Variants in PPP4R2 observed in about 807,000 individuals in gnomAD.
PPP4R2 encodes the protein serine/threonine-protein phosphatase 4 regulatory subunit 2.
A neutral mutation model predicts 47.2 loss-of-function variants in PPP4R2; 13 were observed. That is an observed-to-expected ratio of 0.28 (90% confidence interval 0.18 to 0.44). The LOEUF (loss-of-function observed/expected upper bound fraction) is 0.44, where lower values mean the gene tolerates loss of function less well. Among genes scored for constraint, PPP4R2 ranks in the 20% least tolerant of loss-of-function variants. PPP4R2 has a pLI of 1.00. For synonymous variants in PPP4R2, 151 were observed against 163.3 expected, an observed-to-expected ratio of 0.92 and a Z score of 0.57; for missense variants, 421 against 491.2, an observed-to-expected ratio of 0.86 and a Z score of 1.35.
At chr3:73,019,349 T>TC (rs760247163) in intron 2 of PPP4R2, among the ~76,000 whole-genome samples, 9 of 152,192 alleles carry the variant, frequency 5.9e-5, no homozygotes, top group Non-Finnish European at 8.8e-5. Context: ...AACACTGTCT[T>TC]CATCTACAAA....
chr3:73,000,142 T>C (rs150329818), intron 2 of PPP4R2, among the ~76,000 whole-genome samples: 1 of 152,172 alleles, frequency 6.6e-6, no homozygotes. Context: ...CTCAGCACTT[T>C]GGGAAACAGT....
At chr3:73,057,826 G>A (rs1414187379) in intron 3 of PPP4R2, among the ~76,000 whole-genome samples, 1 of 152,096 alleles carries the variant, frequency 6.6e-6, no homozygotes. Context: ...TTGAGTCCTG[G>A]CATTTTAACT....
intron 2 of PPP4R2, among the ~76,000 whole-genome samples, chr3:73,039,757 A>AC (rs1702338990): frequency 6.6e-6 from 1 of 152,192 alleles, no homozygotes; most frequent in African/African-American, 2.4e-5. Flanking sequence ...ATCCAACTTG[A>AC]AAATGTCAGC....
intron 2 of PPP4R2, among the ~76,000 whole-genome samples, chr3:73,016,839 T>A (rs865836527): frequency 1.2e-4 from 14 of 120,738 alleles, no homozygotes; most frequent in African/African-American, 4.5e-4. Context: ...TTTTTTTAAA[T>A]ACAGAGTCTC....
chr3:73,028,154 A>C (rs1702102643), intron 2 of PPP4R2, among the ~76,000 whole-genome samples: 1 of 151,208 alleles, frequency 6.6e-6, no homozygotes, highest in African/African-American at 2.4e-5. Context: ...CTACTCAGGA[A>C]GCTGAGGCAG....
chr3:72,997,173 T>G, intron 1 of PPP4R2, 102 bp downstream of exon 1: 1 of 956,410 alleles, frequency 1.0e-6, no homozygotes. Context: ...GGGCGCGGCG[T>G]GGGGAGAGTG....
intron 3 of PPP4R2, among the ~76,000 whole-genome samples, chr3:73,051,655 C>G (rs1702615245): frequency 6.6e-6 from 1 of 152,170 alleles, no homozygotes; most frequent in Non-Finnish European, 1.5e-5. Flanking sequence ...GAGATGGAGT[C>G]TCGCTCTTTG....
chr3:72,999,948 GAC>G (rs1279764370), intron 2 of PPP4R2, among the ~76,000 whole-genome samples: 1 of 152,170 alleles, frequency 6.6e-6, no homozygotes, highest in Non-Finnish European at 1.5e-5. Flanking sequence ...CTTTGATACT[GAC>G]ATTTGCAGAG....
At chr3:73,050,241 A>G (rs1027161842) in intron 3 of PPP4R2, among the ~76,000 whole-genome samples, 8 of 152,142 alleles carry the variant, frequency 5.3e-5, no homozygotes, top group Non-Finnish European at 1.0e-4. Context: ...CTGGGATTAC[A>G]AGCTTGAGCC....
At chr3:73,036,029 A>G (rs181207106) in intron 2 of PPP4R2, among the ~76,000 whole-genome samples, 7 of 152,356 alleles carry the variant, frequency 4.6e-5, no homozygotes, top group East Asian at 1.9e-4. Context: ...ATATATACGC[A>G]CACACACAGT....
At chr3:73,000,949 G>A (rs186162089) in intron 2 of PPP4R2, among the ~76,000 whole-genome samples, 28 of 152,312 alleles carry the variant, frequency 1.8e-4, no homozygotes, top group East Asian at 1.2e-3. Context: ...TGACGGTCAA[G>A]TTGTCTCCCA....
In PPP4R2 at chr3:72,998,110, C is replaced by T; in HGVS notation, c.68C>T (p.Pro23Leu). ...AAGAGGGGGAAAAAGGAAGTTTGTC[C>T]TGTCCTGGATCAGTTTCTTTGTCAT... ...FEKRGKKEVC[P>L]VLDQFLCHVA... Residue 23 changes from proline to leucine, a missense_variant, in exon 2 of 9, where the codon CCT (proline) becomes CTT (leucine). Physicochemically the swap from Pro to Leu is moderately conservative, Grantham distance 98 (BLOSUM62 -3). Transcript: ENST00000356692. The T allele has an allele frequency of 6.2e-7, 1 of 1,606,002 alleles. No homozygotes were observed. The highest frequency in any genetic ancestry group is 8.5e-7 in the Non-Finnish European group (1 of 1,177,624).
chr3:73,013,565 G>T (rs1248765675), intron 2 of PPP4R2, among the ~76,000 whole-genome samples: 1 of 151,940 alleles, frequency 6.6e-6, no homozygotes, highest in African/African-American at 2.4e-5. Context: ...AAGTGTATGT[G>T]TGTTAATCCT....
chr3:73,024,098 C>G (rs1702013032), intron 2 of PPP4R2, among the ~76,000 whole-genome samples: 1 of 151,800 alleles, frequency 6.6e-6, no homozygotes, highest in Non-Finnish European at 1.5e-5. Flanking sequence ...AATGAACAGC[C>G]TTTTTCAGAC....
In PPP4R2 at chr3:73,021,923, A is replaced by G. The variant is rs116533862; in HGVS notation, c.116+23765A>G. On this transcript the variant is annotated intron_variant, in intron 2 of 8. Coordinates refer to ENST00000356692, the MANE Select transcript of PPP4R2 (RefSeq NM_174907.4). Reference sequence around the variant, plus strand: ...ATATTTTTTTTTTTTTTTTGAAACAATCTCGCTCTGTTGTTCAGGTTGGAG... The same window carrying G: ...ATATTTTTTTTTTTTTTTTGAAACAGTCTCGCTCTGTTGTTCAGGTTGGAG... Among the ~76,000 whole-genome samples, 969 of 143,910 alleles carry G rather than the reference A, an allele frequency of 6.7e-3. 9 individuals are homozygous for G. The highest frequency in any genetic ancestry group is 0.023 in the African/African-American group (908 of 38,778). The allele number at this position is 143,910 out of a possible 152,430, so 94.4% of individuals were successfully genotyped here. A position where few individuals can be genotyped will look rare whatever the true frequency, so the allele number is the denominator to read the frequency against.
chr3:73,062,579 C>G lies in PPP4R2; in HGVS notation c.420-1094C>G, dbSNP rs775650243. On this transcript the variant is annotated intron_variant, in intron 5 of 8. Transcript: ENST00000356692. Reference sequence around the variant, plus strand: ...AGGAAAGGGGTACTCCTTATGCTAGCAGATTCAAAGATATGCCTAACTTTA... The same window carrying G: ...AGGAAAGGGGTACTCCTTATGCTAGGAGATTCAAAGATATGCCTAACTTTA... 3 of 1,613,984 alleles carry G rather than the reference C, an allele frequency of 1.9e-6. No homozygotes were observed. In the East Asian group the frequency reaches 6.7e-5, roughly 36 times the overall value.
intron 3 of PPP4R2, among the ~76,000 whole-genome samples, chr3:73,054,205 G>A (rs1444913379): frequency 1.3e-5 from 2 of 152,138 alleles, no homozygotes; most frequent in South Asian, 2.1e-4. Flanking sequence ...GGCGTGAGCC[G>A]CCGTGCTCAG....
At chr3:73,059,410 G>C (rs1702796188) in intron 4 of PPP4R2, among the ~76,000 whole-genome samples, 1 of 152,166 alleles carries the variant, frequency 6.6e-6, no homozygotes, top group Non-Finnish European at 1.5e-5. Flanking sequence ...TAAAGGTTCT[G>C]TGAAGTTATA....
At chr3:73,010,074 A>G (rs2107222640) in intron 2 of PPP4R2, among the ~76,000 whole-genome samples, 1 of 152,366 alleles carries the variant, frequency 6.6e-6, no homozygotes, top group Non-Finnish European at 1.5e-5. Context: ...CATTGACTAT[A>G]AAGTGAATAA....
Sources: allele counts gnomAD v4.1 joint callset (sites outside exome capture counted in the v4.1 genomes callset), GRCh38; gene constraint gnomAD v4.1.1; transcripts MANE v1.5; gene names NCBI Gene and HGNC (gene_info 2026-07-23, HGNC 2026-07-21).